KAZN: variants seen among roughly 807,000 people sequenced by gnomAD.
The protein encoded by KAZN is kazrin.
A neutral mutation model predicts 87.4 loss-of-function variants in KAZN; 40 were observed. The ratio of observed to expected loss-of-function variants is 0.46; its 90% CI spans 0.36 to 0.60. The LOEUF is 0.60. KAZN is among the 20% of genes least tolerant of loss of function. The pLI, the probability that KAZN is intolerant of heterozygous loss-of-function variation, is 0.00. For synonymous variants in KAZN, 466 were observed against 458.3 expected (o/e 1.02, Z -0.22); for missense variants, 898 against 1,073.9 (o/e 0.84, Z 2.29).
Position 14,004,708 on chromosome 1 carries a change from GT to G in KAZN, c.91+110955del, listed in dbSNP as rs1557776615. ...TGATTTGTGCACTTTTGTACATAGT[GT>G]TTGCTATGGTTTGAATGTCTCCTCC... On this transcript the variant is annotated intron_variant, in intron 1 of 16. Coordinates refer to the KAZN transcript ENST00000636203. Among the ~76,000 whole-genome samples, 4 of 152,046 alleles carry G rather than the reference GT, an allele frequency of 2.6e-5. No individual in the cohort carries two copies. The East Asian group carries it at 5.8e-4, about 22-fold the overall frequency.
At chr1:14,394,430 G>A (rs1280303789) in intron 2 of KAZN, among the ~76,000 whole-genome samples, 2 of 152,186 alleles carry the variant, frequency 1.3e-5, no homozygotes, top group Admixed American at 1.3e-4. Flanking sequence ...AGTGATTGAA[G>A]GAAACAACTG....
chr1:14,175,084 A>G (rs1449756846), intron 1 of KAZN, among the ~76,000 whole-genome samples: 1 of 152,116 alleles, frequency 6.6e-6, no homozygotes, highest in African/African-American at 2.4e-5. Flanking sequence ...CAGTAATTCA[A>G]TCTACCATGG....
intron 1 of KAZN, among the ~76,000 whole-genome samples, chr1:14,738,247 C>A (rs1461162855): frequency 6.6e-6 from 1 of 152,136 alleles, no homozygotes; most frequent in African/African-American, 2.4e-5. Flanking sequence ...CCCAAAGGCA[C>A]CACCTCAATT....
chr1:14,912,928 G>T (rs1657400521), intron 1 of KAZN, among the ~76,000 whole-genome samples: 1 of 152,170 alleles, frequency 6.6e-6, no homozygotes, highest in African/African-American at 2.4e-5. Flanking sequence ...TCATAGGGCA[G>T]GTGGGGGATG....
At chr1:15,034,616 G>A in intron 2 of KAZN, 133 bp from the exon 3 acceptor site, 1 of 1,091,056 alleles carries the variant, frequency 9.2e-7, no homozygotes, top group Non-Finnish European at 1.3e-6. Flanking sequence ...CACATGGAAG[G>A]GACATTTCGT....
At chr1:14,049,385 G>A (rs1056600496) in intron 1 of KAZN, among the ~76,000 whole-genome samples, 2 of 152,164 alleles carry the variant, frequency 1.3e-5, no homozygotes, top group Non-Finnish European at 2.9e-5. Context: ...GTTAATGGGT[G>A]CAGCACACCA....
intron 1 of KAZN, among the ~76,000 whole-genome samples, chr1:14,851,192 C>A (rs1331618777): frequency 1.3e-5 from 2 of 152,170 alleles, no homozygotes; most frequent in African/African-American, 4.8e-5. Context: ...TCTAAGTGCA[C>A]CAGGATGGAG....
chr1:14,936,036 C>T (rs1263821020), intron 1 of KAZN, among the ~76,000 whole-genome samples: 3 of 152,226 alleles, frequency 2.0e-5, no homozygotes, highest in African/African-American at 4.8e-5. Flanking sequence ...GGACGACATC[C>T]GCCCATCCCA....
At chr1:14,045,212 A>G (rs1057256894) in intron 1 of KAZN, among the ~76,000 whole-genome samples, 94 of 152,264 alleles carry the variant, frequency 6.2e-4, no homozygotes, top group African/African-American at 2.2e-3. Flanking sequence ...CCCAAATGAA[A>G]GTGTTGCTTT....
rs111774548 is a variant in KAZN, at chr1:14,361,074, G to C, written c.249+180482G>C. 4.9e-3 allele frequency among the ~76,000 whole-genome samples: 747 copies of C among 152,304 alleles called. 6 individuals carry two copies. Among genetic ancestry groups the C allele is most frequent in the African/African-American group, 0.017 (713 of 41,570 alleles). ...CCAGGTGCTCTGTCCCACGGAGATG[G>C]GAGTTTTATCTATAGGCCCGACTGG... On this transcript the variant is annotated intron_variant, in intron 2 of 16. Coordinates refer to the KAZN transcript ENST00000636203.
chr1:14,858,209 C>CTTTTT (rs762613728), intron 1 of KAZN, among the ~76,000 whole-genome samples: 1,169 of 115,632 alleles, frequency 0.01, 183 homozygotes, highest in African/African-American at 0.038. Context: ...TTTTCTTTTT[C>CTTTTT]TTTTCTTTTT....
intron 1 of KAZN, among the ~76,000 whole-genome samples, chr1:13,900,205 A>C (rs1452016796): frequency 3.3e-5 from 5 of 152,142 alleles, no homozygotes; most frequent in African/African-American, 7.2e-5. Flanking sequence ...AACTTATTCC[A>C]ATAGTCCCTT....
At chr1:14,113,151 A>G (rs1162989352) in intron 1 of KAZN, among the ~76,000 whole-genome samples, 2 of 152,178 alleles carry the variant, frequency 1.3e-5, no homozygotes, top group Non-Finnish European at 2.9e-5. Context: ...CTTCCTCAGC[A>G]CTGGGGATCC....
rs1644555757 is a variant in KAZN at position 14,114,010 on chromosome 1, A to G, written c.92-66425A>G. ...GTTTTGGTGGAGGCCACAAACTGGCAGCAAACGTCCAGGGGAGGGCACTCT... is the reference window on the plus strand; with the variant it reads ...GTTTTGGTGGAGGCCACAAACTGGCGGCAAACGTCCAGGGGAGGGCACTCT... On this transcript the variant is annotated intron_variant, in intron 1 of 16. Coordinates refer to the KAZN transcript ENST00000636203. 2.0e-5 allele frequency among the ~76,000 whole-genome samples: 3 copies of G among 152,332 alleles called. No homozygotes were observed. In the South Asian group the frequency reaches 6.2e-4, roughly 32 times the overall value.
At chr1:14,553,352 C>T (rs745908339) in intron 2 of KAZN, among the ~76,000 whole-genome samples, 1 of 152,150 alleles carries the variant, frequency 6.6e-6, no homozygotes, top group Non-Finnish European at 1.5e-5. Context: ...GAGGGAGACT[C>T]TGCCTCAAAA....
At chr1:14,212,602 A>G (rs928018031) in intron 2 of KAZN, among the ~76,000 whole-genome samples, 1 of 152,124 alleles carries the variant, frequency 6.6e-6, no homozygotes, top group Non-Finnish European at 1.5e-5. Context: ...TACTTGATCA[A>G]TTTTGCAATA....
intron 2 of KAZN, among the ~76,000 whole-genome samples, chr1:14,558,136 T>C (rs1674024404): frequency 6.6e-6 from 1 of 152,170 alleles, no homozygotes; most frequent in African/African-American, 2.4e-5. Flanking sequence ...AATGCCAGCC[T>C]CCCCTTCCTA....
chr1:14,586,242 C>G (rs1432822831), intron 2 of KAZN, among the ~76,000 whole-genome samples: 5 of 152,134 alleles, frequency 3.3e-5, no homozygotes, highest in African/African-American at 7.2e-5. Flanking sequence ...AGCTTAGAAG[C>G]TTTTCAAAAC....
At chr1:14,879,267 C>A (rs1253520261) in intron 1 of KAZN, among the ~76,000 whole-genome samples, 1 of 152,176 alleles carries the variant, frequency 6.6e-6, no homozygotes, top group Non-Finnish European at 1.5e-5. Flanking sequence ...AATTCACCAT[C>A]TCGTGAGGTG....
Sources: allele counts gnomAD v4.1 joint callset (sites outside exome capture counted in the v4.1 genomes callset), GRCh38; gene constraint gnomAD v4.1.1; transcripts MANE v1.5; gene names NCBI Gene and HGNC (gene_info 2026-07-23, HGNC 2026-07-21).